The following GRID2 variants were observed in gnomAD, a reference collection of about 807,000 sequenced individuals.
GRID2 encodes the protein glutamate ionotropic receptor delta type subunit 2, also known as glutamate receptor ionotropic, delta-2.
GRID2 carries 33 observed loss-of-function variants against 114.8 expected under a neutral mutation model. The observed-to-expected ratio is 0.29, with a 90% CI of 0.22 to 0.38. GRID2 has a LOEUF of 0.38. GRID2 is among the 10% of genes least tolerant of loss of function. The pLI is 1.00. For missense variants in GRID2, 1,184 were observed against 1,257.7 expected (o/e 0.94, Z 0.89); for synonymous variants, 505 against 449.9 (o/e 1.12, Z -1.55).
intron 2 of GRID2, among the ~76,000 whole-genome samples, chr4:92,837,173 T>C (rs1016480234): frequency 6.6e-6 from 1 of 152,064 alleles, no homozygotes; most frequent in Non-Finnish European, 1.5e-5. Flanking sequence ...GAACTCTGAA[T>C]GGTAACGACA....
intron 2 of GRID2, among the ~76,000 whole-genome samples, chr4:92,714,946 C>T (rs1373537417): frequency 6.6e-6 from 1 of 152,172 alleles, no homozygotes; most frequent in Non-Finnish European, 1.5e-5. Flanking sequence ...ACATTTGGCT[C>T]CTAGTTACTT....
chr4:92,433,204 G>A (rs1453854178), intron 1 of GRID2, among the ~76,000 whole-genome samples: 1 of 152,106 alleles, frequency 6.6e-6, no homozygotes, highest in Non-Finnish European at 1.5e-5. Flanking sequence ...AAGCTGTACT[G>A]CATGGGGTTG....
chr4:93,190,875 G>A (rs1162823882), intron 4 of GRID2, among the ~76,000 whole-genome samples: 2 of 151,892 alleles, frequency 1.3e-5, no homozygotes, highest in African/African-American at 4.8e-5. Context: ...GTAAAAGAAA[G>A]TTAAGGTATA....
intron 14 of GRID2, among the ~76,000 whole-genome samples, chr4:93,677,228 G>A (rs778821219): frequency 2.0e-4 from 31 of 152,190 alleles, no homozygotes; most frequent in Non-Finnish European, 3.7e-4. Flanking sequence ...GCTGGGGGAG[G>A]GGCGCCCGCC....
At position 93,397,315 on chromosome 4, in the gene GRID2, C is replaced by G. The variant is rs542571799; in HGVS notation, c.1347+1607C>G. 2.6e-5 allele frequency among the ~76,000 whole-genome samples: 4 copies of G among 151,732 alleles called. No individual in the cohort carries two copies. The South Asian group carries it at 6.2e-4, about 24-fold the overall frequency. ...AATGTGAATTCGCTTCTGTATGTAC[C>G]TAAGGGTATTGATATGCATTTACAT... On this transcript the variant is annotated intron_variant, in intron 9 of 15. Coordinates refer to ENST00000282020, the MANE Select transcript of GRID2 (RefSeq NM_001510.4).
intron 1 of GRID2, among the ~76,000 whole-genome samples, chr4:92,413,110 A>G (rs191506823): frequency 2.0e-4 from 31 of 152,332 alleles, no homozygotes; most frequent in Non-Finnish European, 7.3e-5. Flanking sequence ...TATATTGCAT[A>G]GTAGTGAAGT....
intron 2 of GRID2, among the ~76,000 whole-genome samples, chr4:92,624,787 T>C (rs879701290): frequency 1.2e-4 from 18 of 151,764 alleles, no homozygotes; most frequent in Non-Finnish European, 2.9e-5. Context: ...TAAATATTGA[T>C]TTATACATAC....
chr4:92,669,693 T>C (rs1408757562), intron 2 of GRID2, among the ~76,000 whole-genome samples: 1 of 152,012 alleles, frequency 6.6e-6, no homozygotes, highest in Non-Finnish European at 1.5e-5. Flanking sequence ...CTTTAGATTT[T>C]CTTGAATAAA....
At chr4:92,421,418 A>C (rs1278887128) in intron 1 of GRID2, among the ~76,000 whole-genome samples, 1 of 152,120 alleles carries the variant, frequency 6.6e-6, no homozygotes, top group Non-Finnish European at 1.5e-5. Context: ...ATCACCAGTC[A>C]GTCTTCCCAA....
chr4:92,947,605 T>C (rs1436998940), intron 2 of GRID2, among the ~76,000 whole-genome samples: 1 of 151,984 alleles, frequency 6.6e-6, no homozygotes, highest in Non-Finnish European at 1.5e-5. Context: ...TTAGATAGCA[T>C]TGACAAATGT....
Position 93,709,336 on chromosome 4 carries a change from A to G in GRID2, c.2361-59874A>G, listed in dbSNP as rs182867433. 2.0e-5 allele frequency among the ~76,000 whole-genome samples: 3 copies of G among 152,258 alleles called. No homozygotes were observed. The East Asian group carries it at 5.8e-4, about 29-fold the overall frequency. ...GGAAAGTATTTCTCCTTTGTGTCTG[A>G]AGGATATTTTTATGGGATATACCAT... On this transcript the variant is annotated intron_variant, in intron 14 of 15. Coordinates refer to ENST00000282020, the MANE Select transcript of GRID2 (RefSeq NM_001510.4).
At chr4:93,746,077 G>T (rs1731818447) in intron 14 of GRID2, among the ~76,000 whole-genome samples, 1 of 152,110 alleles carries the variant, frequency 6.6e-6, no homozygotes, top group South Asian at 2.1e-4. Flanking sequence ...AATTGTCCTT[G>T]TAAGTGTATA....
intron 1 of GRID2, among the ~76,000 whole-genome samples, chr4:92,383,007 T>C (rs1005915546): frequency 6.6e-6 from 1 of 151,948 alleles, no homozygotes; most frequent in Non-Finnish European, 1.5e-5. Context: ...AAACTTTTAC[T>C]CATGGAGGAA....
intron 2 of GRID2, among the ~76,000 whole-genome samples, chr4:92,736,704 T>C (rs969928358): frequency 6.6e-6 from 1 of 152,114 alleles, no homozygotes; most frequent in African/African-American, 2.4e-5. Flanking sequence ...AATGTAATTA[T>C]AATTTACTAT....
intron 2 of GRID2, among the ~76,000 whole-genome samples, chr4:93,076,729 T>G (rs1433666255): frequency 6.6e-6 from 1 of 150,446 alleles, no homozygotes; most frequent in Admixed American, 6.7e-5. Context: ...GCAATTCTCC[T>G]GCCTCAACCT....
intron 12 of GRID2, among the ~76,000 whole-genome samples, chr4:93,508,228 T>C (rs924231176): frequency 6.7e-6 from 1 of 150,214 alleles, no homozygotes; most frequent in African/African-American, 2.5e-5. Flanking sequence ...GACGGAGTCT[T>C]GGTCTGTAGC....
intron 9 of GRID2, among the ~76,000 whole-genome samples, chr4:93,421,005 G>C (rs575473436): frequency 6.6e-6 from 1 of 151,970 alleles, no homozygotes; most frequent in African/African-American, 2.4e-5. Flanking sequence ...CGCCCACTTC[G>C]GTCTCCCAAA....
At chr4:92,908,995 CATTA>C (rs936079099) in intron 2 of GRID2, among the ~76,000 whole-genome samples, 3 of 152,216 alleles carry the variant, frequency 2.0e-5, no homozygotes, top group African/African-American at 7.2e-5. Flanking sequence ...TATAAATTCA[CATTA>C]ATTGATTGTT....
chr4:92,666,719 T>C (rs1039534592), intron 2 of GRID2, among the ~76,000 whole-genome samples: 4 of 147,932 alleles, frequency 2.7e-5, no homozygotes, highest in African/African-American at 9.9e-5. Flanking sequence ...CTGAAAACTT[T>C]CTAATTTTCC....
Sources: gnomAD v4.1 joint callset for allele counts (sites outside exome capture counted in the v4.1 genomes callset) on GRCh38, gnomAD v4.1.1 for gene constraint, MANE v1.5 for transcripts, NCBI Gene and HGNC (gene_info 2026-07-23, HGNC 2026-07-21) for gene names.